Variants in MYH10 observed in about 807,000 individuals in gnomAD.
MYH10 encodes myosin heavy chain 10.
A neutral mutation model predicts 257.8 loss-of-function variants in MYH10; 55 were observed. The ratio of observed to expected loss-of-function variants is 0.21; its 90% confidence interval spans 0.17 to 0.27. MYH10 has a LOEUF of 0.27. MYH10 is among the 10% of genes least tolerant of loss of function. MYH10 has a pLI of 1.00. For missense variants in MYH10, 1,631 were observed against 2,500.6 expected, an observed-to-expected ratio of 0.65 and a Z score of 7.42; for synonymous variants, 854 against 921.7, an observed-to-expected ratio of 0.93 and a Z score of 1.33.
chr17:8,512,341 C>A (rs2081326352), intron 24 of MYH10, 110 bp downstream of exon 24: 2 of 810,534 alleles, frequency 2.5e-6, no homozygotes, highest in South Asian at 3.8e-5. Flanking sequence ...TAACCCAGAA[C>A]CCTTTTGCTT....
intron 41 of MYH10, 107 bp downstream of exon 41, chr17:8,478,231 A>G (rs572817951): frequency 1.0e-6 from 1 of 957,134 alleles, no homozygotes; most frequent in Non-Finnish European, 1.6e-6. Flanking sequence ...TAGCTGAAAC[A>G]TCAGAATCGG....
intron 42 of MYH10, 68 bp downstream of exon 42, chr17:8,476,808 C>T: frequency 6.6e-7 from 1 of 1,522,614 alleles, no homozygotes; most frequent in Non-Finnish European, 8.8e-7. Context: ...CTCTGACCAG[C>T]TGCACCCCGA....
At chr17:8,516,316 C>T (rs2081468038) in intron 21 of MYH10, among the ~76,000 whole-genome samples, 1 of 152,204 alleles carries the variant, frequency 6.6e-6, no homozygotes. Context: ...TGTAAAGATA[C>T]CTATTATTTT....
chr17:8,596,878 A>G (rs1200552268), intron 3 of MYH10, among the ~76,000 whole-genome samples: 1 of 152,202 alleles, frequency 6.6e-6, no homozygotes, highest in African/African-American at 2.4e-5. Flanking sequence ...TTTTAACAGC[A>G]TATGAGATCC....
chr17:8,597,144 A>G (rs2084404858), intron 3 of MYH10, among the ~76,000 whole-genome samples: 1 of 152,212 alleles, frequency 6.6e-6, no homozygotes, highest in Admixed American at 6.5e-5. Context: ...CACAAAGAAA[A>G]CAAATTATAT....
intron 4 of MYH10, among the ~76,000 whole-genome samples, chr17:8,577,614 G>A (rs1177740245): frequency 1.3e-5 from 2 of 152,068 alleles, no homozygotes; most frequent in East Asian, 1.9e-4. Flanking sequence ...TCACTGCAAC[G>A]TCTGTCTCCC....
intron 30 of MYH10, among the ~76,000 whole-genome samples, chr17:8,497,619 G>A (rs1005087271): frequency 2.0e-5 from 3 of 151,376 alleles, no homozygotes; most frequent in African/African-American, 7.3e-5. Context: ...GGTGCCTGTA[G>A]TCCCAGCTAC....
At chr17:8,537,160 G>T (rs1394060140) in intron 14 of MYH10, among the ~76,000 whole-genome samples, 1 of 152,090 alleles carries the variant, frequency 6.6e-6, no homozygotes, top group Non-Finnish European at 1.5e-5. Flanking sequence ...GTGCTTCTGG[G>T]CCATCATTTA....
intron 3 of MYH10, among the ~76,000 whole-genome samples, chr17:8,591,022 G>A (rs1398161061): frequency 2.0e-5 from 3 of 151,698 alleles, no homozygotes; most frequent in Non-Finnish European, 4.4e-5. Flanking sequence ...ACAGGCGCCC[G>A]CCACCACGCC....
In MYH10 at chr17:8,545,043, C is replaced by G. The variant is rs1204203070; in HGVS notation, c.1431+405G>C. ...CTCCACGTCTCCAACTCCTCTCTCC[C>G]TCTGGTCAGCTATATCCAGTCATAC... On this transcript the variant is annotated intron_variant, in intron 13 of 42. Transcript: ENST00000360416. The surrounding 1 kb of genome is among the most constrained non-coding windows in gnomAD (Gnocchi z 4.7). 6.6e-6 allele frequency among the ~76,000 whole-genome samples: 1 copy of G among 152,246 alleles called. No homozygotes were observed. Among genetic ancestry groups the G allele is most frequent in the African/African-American group, 2.4e-5 (1 of 41,462 alleles).
chr17:8,587,863 T>C (rs2083967559), intron 4 of MYH10, among the ~76,000 whole-genome samples: 2 of 152,178 alleles, frequency 1.3e-5, no homozygotes, highest in Admixed American at 1.3e-4. Flanking sequence ...ATTTTATTTT[T>C]GACATTTTCA....
intron 2 of MYH10, among the ~76,000 whole-genome samples, chr17:8,617,697 T>G (rs1597990295): frequency 6.6e-6 from 1 of 152,150 alleles, no homozygotes; most frequent in African/African-American, 2.4e-5. Flanking sequence ...GATCATAATA[T>G]TACAAACAGA....
At chr17:8,527,236 T>C (rs751473038) in intron 17 of MYH10, among the ~76,000 whole-genome samples, 3 of 152,222 alleles carry the variant, frequency 2.0e-5, no homozygotes, top group Non-Finnish European at 2.9e-5. Context: ...TACTCTAGCA[T>C]TGGGAAATTT....
At chr17:8,583,575 A>G (rs2083788688) in intron 4 of MYH10, among the ~76,000 whole-genome samples, 1 of 152,092 alleles carries the variant, frequency 6.6e-6, no homozygotes, top group African/African-American at 2.4e-5. Flanking sequence ...AGCTGGGAGA[A>G]GAAAGAACAC....
In MYH10 at chr17:8,552,050, T is replaced by C. The variant is rs775982214; in HGVS notation, c.915A>G (p.Leu305=). The C allele has an allele frequency of 6.7e-7, 1 of 1,503,408 alleles. No individual in the cohort carries two copies. The highest frequency in any genetic ancestry group is 1.8e-5 in the Admixed American group (1 of 54,214). 93.1% of individuals were successfully genotyped at this position (1,503,408 alleles called of 1,614,324 possible). ...YQLLSGAGEH[L]KSDLLLEGFN... is the part of the protein sequence containing the mutation. ...GTAAAAACCTTTGTAACTTACACTTTAGGTGTTCTCCTGCTCCAGATAACA... is the reference window on the plus strand; with the variant it reads ...GTAAAAACCTTTGTAACTTACACTTCAGGTGTTCTCCTGCTCCAGATAACA... The change falls in exon 9 of 43, where the codon CTA becomes CTG. Residue 305 remains leucine, a synonymous_variant. Transcript: ENST00000360416. The surrounding 1 kb of genome is among the most constrained non-coding windows in gnomAD (Gnocchi z 4.8).
Position 8,480,646 on chromosome 17 carries a change from T to C in MYH10, c.5265-121A>G, listed in dbSNP as rs774228623. 7 of 1,353,918 alleles carry C rather than the reference T, an allele frequency of 5.2e-6. 1 individual carries two copies. The South Asian group carries it at 7.5e-5, about 14-fold the overall frequency. 83.9% of individuals were successfully genotyped at this position (1,353,918 alleles called of 1,614,324 possible). A position where few individuals can be genotyped will look rare whatever the true frequency, so the allele number is the denominator to read the frequency against. ...CTGAGCAGCCATCCTGAATTTTCTC[T>C]TTCCCCTGCACTCATCCCCAAATCC... is the stretch of plus-strand genomic sequence containing the variant. On this transcript the variant is annotated intron_variant, in intron 38 of 42. Coordinates refer to ENST00000360416, the MANE Select transcript of MYH10 (RefSeq NM_001256012.3).
At chr17:8,606,579 T>G (rs1474562851) in intron 2 of MYH10, among the ~76,000 whole-genome samples, 1 of 152,186 alleles carries the variant, frequency 6.6e-6, no homozygotes, top group Non-Finnish European at 1.5e-5. Context: ...CTCCAGAGAC[T>G]ACTCTGTTTA....
intron 19 of MYH10, among the ~76,000 whole-genome samples, chr17:8,520,384 A>T (rs575070742): frequency 6.6e-6 from 1 of 152,180 alleles, no homozygotes; most frequent in East Asian, 1.9e-4. Context: ...TAGTCCCAGC[A>T]ACTCAGGAGG....
chr17:8,599,505 A>G (rs771437215), intron 3 of MYH10, among the ~76,000 whole-genome samples: 5 of 152,150 alleles, frequency 3.3e-5, no homozygotes, highest in African/African-American at 4.8e-5. Flanking sequence ...CTAGATGACT[A>G]CATCACACTA....
Sources: allele counts gnomAD v4.1 joint callset (sites outside exome capture counted in the v4.1 genomes callset), GRCh38; gene constraint gnomAD v4.1.1; non-coding constraint Gnocchi (gnomAD v3.1); transcripts MANE v1.5; gene names NCBI Gene and HGNC (gene_info 2026-07-23, HGNC 2026-07-21).